The following C1orf21 variants were observed in gnomAD, a reference collection of about 807,000 sequenced individuals.
C1orf21 encodes uncharacterized protein C1orf21.
Under a neutral mutation model 18.7 loss-of-function variants are expected in C1orf21, and 3 were observed. The observed-to-expected ratio is 0.16, with a 90% CI of 0.07 to 0.42. C1orf21 has a LOEUF of 0.42. C1orf21 is among the 10% of genes least tolerant of loss of function. The probability of loss-of-function intolerance (pLI) is 0.99; values close to 1 mark genes in which losing one functional copy is unlikely to be tolerated. For missense variants in C1orf21, 104 were observed against 143.6 expected (o/e 0.72, Z 1.41); for synonymous variants, 41 against 46.4 (o/e 0.88, Z 0.47).
intron 2 of C1orf21, among the ~76,000 whole-genome samples, chr1:184,496,162 C>A (rs185989194): frequency 4.8e-4 from 73 of 152,166 alleles, no homozygotes; most frequent in African/African-American, 1.7e-3. Flanking sequence ...AAGGCCAGGT[C>A]TACCCATAGA....
intron 4 of C1orf21, among the ~76,000 whole-genome samples, chr1:184,591,528 C>T (rs1328513237): frequency 2.0e-5 from 3 of 152,166 alleles, no homozygotes; most frequent in Non-Finnish European, 4.4e-5. Context: ...AAATATAGGT[C>T]GGGCATGGTG....
intron 2 of C1orf21, among the ~76,000 whole-genome samples, chr1:184,501,233 C>T (rs1389159317): frequency 3.9e-5 from 6 of 152,140 alleles, no homozygotes; most frequent in Non-Finnish European, 8.8e-5. Context: ...TGTATAAGGT[C>T]TTCGGTTCCT....
intron 4 of C1orf21, 92 bp from the exon 5 acceptor site, chr1:184,598,309 C>A: frequency 8.8e-7 from 1 of 1,141,704 alleles, no homozygotes; most frequent in Non-Finnish European, 1.3e-6. Flanking sequence ...TAAATGTCTT[C>A]CCCAAAGTTT....
chr1:184,600,635 T>G (rs1478961573), intron 5 of C1orf21, among the ~76,000 whole-genome samples: 1 of 152,218 alleles, frequency 6.6e-6, no homozygotes, highest in Non-Finnish European at 1.5e-5. Flanking sequence ...AGTTTATAAC[T>G]TGATCATTCG....
chr1:184,558,636 C>T (rs550005687), intron 3 of C1orf21, among the ~76,000 whole-genome samples: 1 of 152,344 alleles, frequency 6.6e-6, no homozygotes, highest in East Asian at 1.9e-4. Context: ...ACTCTCGGGT[C>T]ACCAGGCTGC....
At chr1:184,609,542 G>A (rs1659697753) in intron 5 of C1orf21, among the ~76,000 whole-genome samples, 1 of 152,214 alleles carries the variant, frequency 6.6e-6, no homozygotes, top group African/African-American at 2.4e-5. Context: ...TGGGGGAGGT[G>A]TGTGAGGCTC....
At position 184,415,477 on chromosome 1, in the gene C1orf21, C is replaced by A. The variant is rs149955110; in HGVS notation, c.-125+28109C>A. On this transcript the variant is annotated intron_variant, in intron 1 of 5. Coordinates refer to ENST00000235307, the MANE Select transcript of C1orf21 (RefSeq NM_030806.4). ...CTGAAATTTGCTTATTTTGCGTGTT[C>A]TGTTCTGATGGAGGTGGTCTGTGAG... Among the ~76,000 whole-genome samples, 506 of 152,236 alleles carry A rather than the reference C, an allele frequency of 3.3e-3. 5 individuals carry two copies. Among genetic ancestry groups the A allele is most frequent in the African/African-American group, 0.012 (480 of 41,540 alleles).
At chr1:184,524,898 A>G (rs1249197002) in intron 3 of C1orf21, among the ~76,000 whole-genome samples, 1 of 152,110 alleles carries the variant, frequency 6.6e-6, no homozygotes, top group Non-Finnish European at 1.5e-5. Context: ...TTAAGTGGGC[A>G]TTATTGGTTT....
intron 1 of C1orf21, among the ~76,000 whole-genome samples, chr1:184,464,081 A>G (rs1299676716): frequency 2.0e-5 from 3 of 152,374 alleles, no homozygotes; most frequent in Middle Eastern, 3.4e-3. Flanking sequence ...GCCTATAAAA[A>G]GCTAGATGGG....
intron 5 of C1orf21, among the ~76,000 whole-genome samples, chr1:184,614,144 C>T (rs764253181): frequency 2.0e-5 from 3 of 152,182 alleles, no homozygotes; most frequent in Non-Finnish European, 2.9e-5. Context: ...CATTTCTCAC[C>T]TAGACAGTTT....
chr1:184,465,172 G>A (rs1657371364), intron 1 of C1orf21, among the ~76,000 whole-genome samples: 1 of 152,170 alleles, frequency 6.6e-6, no homozygotes, highest in African/African-American at 2.4e-5. Context: ...AGTTAATCAT[G>A]GAGGATTTGG....
At chr1:184,434,278 T>C (rs930198702) in intron 1 of C1orf21, among the ~76,000 whole-genome samples, 21 of 151,768 alleles carry the variant, frequency 1.4e-4, no homozygotes, top group African/African-American at 4.3e-4. Context: ...AGGGTCTCTG[T>C]GGTGTCAGGC....
At chr1:184,527,791 A>T (rs1257177233) in intron 3 of C1orf21, among the ~76,000 whole-genome samples, 1 of 152,208 alleles carries the variant, frequency 6.6e-6, no homozygotes, top group Non-Finnish European at 1.5e-5. Flanking sequence ...AGTGTAGTTT[A>T]TAGTAACTAC....
intron 1 of C1orf21, among the ~76,000 whole-genome samples, chr1:184,439,541 C>T (rs998588248): frequency 3.3e-5 from 5 of 152,122 alleles, no homozygotes; most frequent in Middle Eastern, 6.8e-3. Context: ...TCAGAGAGAA[C>T]ATTTTTTGAG....
chr1:184,551,160 A>G (rs748011758), intron 3 of C1orf21, among the ~76,000 whole-genome samples: 23 of 152,234 alleles, frequency 1.5e-4, no homozygotes, highest in Admixed American at 5.2e-4. Flanking sequence ...AATCCCATGG[A>G]GAAGAGGTAG....
At chr1:184,542,665 A>G (rs1018608331) in intron 3 of C1orf21, 5 of 152,214 alleles carry the variant, frequency 3.3e-5, no homozygotes, top group African/African-American at 1.2e-4. Context: ...TAGTGAGTAC[A>G]ATAAGAGATA....
intron 1 of C1orf21, among the ~76,000 whole-genome samples, chr1:184,388,100 A>G (rs184930040): frequency 1.3e-3 from 200 of 152,122 alleles, no homozygotes; most frequent in African/African-American, 4.4e-3. Flanking sequence ...TCCTTTCCCT[A>G]TCATCCACCC....
intron 3 of C1orf21, among the ~76,000 whole-genome samples, chr1:184,551,480 G>GC (rs775672177): frequency 5.9e-5 from 9 of 152,162 alleles, no homozygotes; most frequent in Admixed American, 2.6e-4. Flanking sequence ...CTGTCATTGG[G>GC]CTGGACCTTC....
At chr1:184,558,770 A>G (rs1354850034) in intron 3 of C1orf21, among the ~76,000 whole-genome samples, 1 of 152,250 alleles carries the variant, frequency 6.6e-6, no homozygotes, top group African/African-American at 2.4e-5. Flanking sequence ...TAATAGCACT[A>G]GTAATACTAA....
Sources: allele counts gnomAD v4.1 joint callset (sites outside exome capture counted in the v4.1 genomes callset), GRCh38; gene constraint gnomAD v4.1.1; transcripts MANE v1.5; gene names NCBI Gene and HGNC (gene_info 2026-07-23, HGNC 2026-07-21).